Variants in HDAC9 observed in about 807,000 individuals in gnomAD.
HDAC9 encodes histone deacetylase 9.
In HDAC9, 41 loss-of-function variants were observed where a neutral mutation model predicts 139.4. The ratio of observed to expected loss-of-function variants is 0.29; its 90% CI spans 0.23 to 0.38. The LOEUF is 0.38. Ranked by LOEUF, HDAC9 falls within the 10% of genes least tolerant of loss-of-function variation. The probability of loss-of-function intolerance (pLI) is 1.00; values close to 1 mark genes in which losing one functional copy is unlikely to be tolerated. For synonymous variants in HDAC9, 517 were observed against 476.2 expected, an observed-to-expected ratio of 1.09 and a Z score of -1.12; for missense variants, 1,147 against 1,297.0, an observed-to-expected ratio of 0.88 and a Z score of 1.78.
chr7:18,397,897 G>A (rs542675821), intron 1 of HDAC9, among the ~76,000 whole-genome samples: 8 of 152,114 alleles, frequency 5.3e-5, no homozygotes, highest in Admixed American at 1.3e-4. Flanking sequence ...ATGTCACAAA[G>A]TAGCAGCCTC....
In HDAC9 at chr7:18,408,190, T is replaced by C. The variant is rs1382130175; in HGVS notation, c.-41-88072T>C. ...TGAATTGTGTTAAAATCAGCAAATATTGAAGAACCAACCTAAAGGTTTTTC... is the reference window on the plus strand; with the variant it reads ...TGAATTGTGTTAAAATCAGCAAATACTGAAGAACCAACCTAAAGGTTTTTC... On this transcript the variant is annotated intron_variant, in intron 1 of 3. Coordinates refer to the HDAC9 transcript ENST00000413509. Among the ~76,000 whole-genome samples, 4 of 152,302 alleles carry C rather than the reference T, an allele frequency of 2.6e-5. No individual in the cohort carries two copies. The East Asian group carries it at 7.7e-4, about 29-fold the overall frequency.
chr7:18,435,362 A>G (rs1274993235), intron 1 of HDAC9, among the ~76,000 whole-genome samples: 1 of 151,992 alleles, frequency 6.6e-6, no homozygotes, highest in African/African-American at 2.4e-5. Context: ...AAGACATGCA[A>G]TTTACCTATG....
intron 1 of HDAC9, among the ~76,000 whole-genome samples, chr7:18,364,251 C>T (rs778166219): frequency 2.6e-5 from 4 of 152,034 alleles, no homozygotes; most frequent in Non-Finnish European, 5.9e-5. Context: ...TCTGGCTGTG[C>T]AGTGTTAGTA....
chr7:18,106,357 A>G (rs1783201970), intron 1 of HDAC9, among the ~76,000 whole-genome samples: 1 of 151,988 alleles, frequency 6.6e-6, no homozygotes. Context: ...TTCCATATCC[A>G]TTGCCTGTCT....
chr7:18,215,903 A>G (rs1388445718), intron 2 of HDAC9, among the ~76,000 whole-genome samples: 2 of 152,168 alleles, frequency 1.3e-5, no homozygotes, highest in Admixed American at 1.3e-4. Context: ...AACATTTCTC[A>G]TAAAGAAAGA....
At chr7:18,280,043 C>T (rs1797002442) in intron 2 of HDAC9, among the ~76,000 whole-genome samples, 1 of 152,042 alleles carries the variant, frequency 6.6e-6, no homozygotes, top group Non-Finnish European at 1.5e-5. Flanking sequence ...ATATACTTAT[C>T]CATTTAGCAA....
At chr7:18,535,870 T>C (rs2128592792) in intron 2 of HDAC9, among the ~76,000 whole-genome samples, 1 of 151,720 alleles carries the variant, frequency 6.6e-6, no homozygotes, top group Admixed American at 6.6e-5. Context: ...CAAGGAATGA[T>C]CAATGAAACT....
intron 2 of HDAC9, among the ~76,000 whole-genome samples, chr7:18,205,109 C>T (rs571243842): frequency 6.6e-6 from 1 of 151,790 alleles, no homozygotes; most frequent in Admixed American, 6.6e-5. Context: ...CATTTTGATC[C>T]ATTTTTTTCC....
At chr7:18,883,166 C>G (rs1183853257) in intron 22 of HDAC9, among the ~76,000 whole-genome samples, 1 of 152,096 alleles carries the variant, frequency 6.6e-6, no homozygotes, top group Non-Finnish European at 1.5e-5. Context: ...CTGCTCTTAA[C>G]ATTATGAATA....
rs566503365 is a variant in HDAC9 at position 18,527,693 on chromosome 7, G to C, written c.22+31369G>C. Among the ~76,000 whole-genome samples the C allele has an allele frequency of 6.4e-4, 97 of 152,156 alleles. 1 individual carries two copies. The highest frequency in any genetic ancestry group is 2.3e-3 in the African/African-American group (96 of 41,510). On this transcript the variant is annotated intron_variant, in intron 2 of 25. Transcript: ENST00000686413. ...CAAATTAAAATGTAAAAATTTTAAGGATCAACCTATGATTTTCTTGTATTA... is the reference window on the plus strand; with the variant it reads ...CAAATTAAAATGTAAAAATTTTAAGCATCAACCTATGATTTTCTTGTATTA...
At chr7:18,236,563 A>G (rs958051547) in intron 2 of HDAC9, among the ~76,000 whole-genome samples, 2 of 152,232 alleles carry the variant, frequency 1.3e-5, no homozygotes, top group African/African-American at 4.8e-5. Flanking sequence ...ATAGTTACAC[A>G]TCATACACAC....
chr7:18,284,108 A>G (rs1049146094), intron 2 of HDAC9, among the ~76,000 whole-genome samples: 5 of 152,054 alleles, frequency 3.3e-5, no homozygotes, highest in Admixed American at 6.6e-5. Flanking sequence ...AGGCCACCAA[A>G]TTGTTCCCAT....
intron 1 of HDAC9, among the ~76,000 whole-genome samples, chr7:18,402,450 T>C (rs1256688587): frequency 6.6e-6 from 1 of 152,134 alleles, no homozygotes; most frequent in Non-Finnish European, 1.5e-5. Flanking sequence ...GTGTGGGGGA[T>C]AGAGAAGCCA....
chr7:18,585,527 C>T lies in HDAC9; in HGVS notation c.264+5C>T, dbSNP rs1829201576. On this transcript the variant is annotated splice_donor_5th_base_variant and intron_variant, in intron 3 of 25. Transcript: ENST00000686413. ...CAGCTTCAGGAGCATATCAAGGTAG[C>T]AAATGCTTCTTTGTCTGTGACCTTA... is the stretch of plus-strand genomic sequence containing the variant. The T allele has an allele frequency of 6.2e-7, 1 of 1,612,982 alleles. No individual in the cohort carries two copies. The highest frequency in any genetic ancestry group is 8.5e-7 in the Non-Finnish European group (1 of 1,179,632).
At chr7:18,743,072 G>A (rs1420810000) in intron 13 of HDAC9, among the ~76,000 whole-genome samples, 2 of 151,990 alleles carry the variant, frequency 1.3e-5, no homozygotes, top group African/African-American at 2.4e-5. Context: ...TATTCTCAAC[G>A]GCCCTGTTTT....
chr7:18,145,326 T>C (rs567044717), intron 1 of HDAC9, among the ~76,000 whole-genome samples: 5 of 152,328 alleles, frequency 3.3e-5, no homozygotes, highest in Admixed American at 6.5e-5. Flanking sequence ...GGAGATAATT[T>C]GAAGTGATAA....
intron 19 of HDAC9, among the ~76,000 whole-genome samples, chr7:18,831,649 G>A (rs1795864699): frequency 6.6e-6 from 1 of 152,120 alleles, no homozygotes; most frequent in Non-Finnish European, 1.5e-5. Context: ...CAGCTGCAGG[G>A]CTACTTTGAG....
intron 2 of HDAC9, among the ~76,000 whole-genome samples, chr7:18,280,465 G>A (rs1190327963): frequency 6.6e-6 from 1 of 152,018 alleles, no homozygotes; most frequent in Admixed American, 6.6e-5. Context: ...GTGTGTGCCT[G>A]TAATCCCAGC....
intron 1 of HDAC9, among the ~76,000 whole-genome samples, chr7:18,147,815 C>T (rs1293342544): frequency 6.6e-6 from 1 of 151,570 alleles, no homozygotes; most frequent in Admixed American, 6.6e-5. Context: ...TTCATATGTT[C>T]TTGAACTTTA....
Sources: gnomAD v4.1 joint callset for allele counts (sites outside exome capture counted in the v4.1 genomes callset) on GRCh38, gnomAD v4.1.1 for gene constraint, MANE v1.5 for transcripts, NCBI Gene and HGNC (gene_info 2026-07-23, HGNC 2026-07-21) for gene names.